Variants in MAGI3 observed in about 807,000 individuals in gnomAD.
MAGI3 encodes membrane-associated guanylate kinase, WW and PDZ domain-containing protein 3.
In MAGI3, 43 loss-of-function variants were observed where a neutral mutation model predicts 121.8. The ratio of observed to expected loss-of-function variants is 0.35; its 90% confidence interval spans 0.28 to 0.46. The LOEUF (loss-of-function observed/expected upper bound fraction) is 0.46. MAGI3 is among the 20% of genes least tolerant of loss of function. MAGI3 has a pLI of 1.00. For synonymous variants in MAGI3, 553 were observed against 639.3 expected (o/e 0.86, Z 2.04); for missense variants, 1,547 against 1,797.3 (o/e 0.86, Z 2.52).
intron 1 of MAGI3, among the ~76,000 whole-genome samples, chr1:113,522,463 C>T (rs772071393): frequency 5.3e-5 from 8 of 152,168 alleles, no homozygotes; most frequent in Non-Finnish European, 7.3e-5. Context: ...TCCTCTCAGA[C>T]GCTGTGCTTT....
At chr1:113,436,811 C>CTTTTTT (rs1026496354) in intron 1 of MAGI3, among the ~76,000 whole-genome samples, 4 of 124,130 alleles carry the variant, frequency 3.2e-5, no homozygotes, top group African/African-American at 6.0e-5. Flanking sequence ...TAAAGACAGT[C>CTTTTTT]TTTTTTTTTT....
chr1:113,509,361 T>C (rs544243161), intron 1 of MAGI3, among the ~76,000 whole-genome samples: 2 of 142,704 alleles, frequency 1.4e-5, no homozygotes, highest in Non-Finnish European at 3.1e-5. Flanking sequence ...TTTTCTTTTT[T>C]TTTTTTTGTT....
At chr1:113,437,193 T>A (rs1263607710) in intron 1 of MAGI3, among the ~76,000 whole-genome samples, 1 of 152,002 alleles carries the variant, frequency 6.6e-6, no homozygotes, top group African/African-American at 2.4e-5. Context: ...TACATACTTT[T>A]ATTTAATATT....
intron 12 of MAGI3, among the ~76,000 whole-genome samples, chr1:113,648,187 G>A (rs567040844): frequency 6.6e-6 from 1 of 152,020 alleles, no homozygotes; most frequent in Admixed American, 6.6e-5. Context: ...TCCCAAAGTG[G>A]ACTCTTTTAA....
At chr1:113,601,609 G>T (rs1217218) in intron 6 of MAGI3, among the ~76,000 whole-genome samples, 106,392 of 145,318 alleles carry the variant, frequency 0.73, 39,591 homozygotes, top group African/African-American at 0.77. Flanking sequence ...TAGGACCACT[G>T]TTACACCGTT....
Position 113,646,607 on chromosome 1 carries a change from T to G in MAGI3, c.2120T>G (p.Val707Gly). The G allele has an allele frequency of 6.2e-7, 1 of 1,607,430 alleles. No individual in the cohort carries two copies. The highest frequency in any genetic ancestry group is 8.5e-7 in the Non-Finnish European group (1 of 1,176,762). Residue 707 changes from valine to glycine, a missense_variant, in exon 12 of 21, where the codon GTC becomes GGC. Transcript: ENST00000307546. ...TCCCCAAAATTGGATCCTTCTGAGG[T>G]CTACCTGAAATCTAAGACTTTATAT... ...SGSPKLDPSE[V>G]YLKSKTLYED...
chr1:113,674,102 A>G (rs1414064843), intron 19 of MAGI3, among the ~76,000 whole-genome samples: 2 of 152,210 alleles, frequency 1.3e-5, no homozygotes, highest in Non-Finnish European at 2.9e-5. Flanking sequence ...TATATAGAAG[A>G]CATTTGCTGC....
At chr1:113,478,382 C>T (rs1205162002) in intron 1 of MAGI3, among the ~76,000 whole-genome samples, 2 of 152,148 alleles carry the variant, frequency 1.3e-5, no homozygotes, top group African/African-American at 4.8e-5. Context: ...TACCTTTGGT[C>T]TTTGATGTTG....
At chr1:113,472,384 A>T (rs1655585069) in intron 1 of MAGI3, among the ~76,000 whole-genome samples, 1 of 151,942 alleles carries the variant, frequency 6.6e-6, no homozygotes, top group East Asian at 1.9e-4. Context: ...TTGTATTTTT[A>T]GTAGAGATGG....
At chr1:113,437,878 C>CCTCT (rs1653689893) in intron 1 of MAGI3, among the ~76,000 whole-genome samples, 1 of 11,010 alleles carries the variant, frequency 9.1e-5, no homozygotes, top group East Asian at 2.7e-3. Flanking sequence ...TCTTCTTCTT[C>CCTCT]TCCTTCTCCT....
intron 2 of MAGI3, among the ~76,000 whole-genome samples, chr1:113,561,662 G>A (rs899805782): frequency 1.3e-5 from 2 of 152,106 alleles, no homozygotes; most frequent in Non-Finnish European, 2.9e-5. Context: ...ATATCATACC[G>A]AATGGGCAAA....
In MAGI3 at chr1:113,590,328, T is replaced by C. The variant is rs138228307; in HGVS notation, c.764-156T>C. Among the ~76,000 whole-genome samples, 289 of 152,200 alleles carry C rather than the reference T, an allele frequency of 1.9e-3. 3 individuals are homozygous for C. Among genetic ancestry groups the C allele is most frequent in the African/African-American group, 6.8e-3 (281 of 41,556 alleles). On this transcript the variant is annotated intron_variant, in intron 4 of 20. Transcript: ENST00000307546. ...TACTAGGGGAAAAGAGTTGAATATG[T>C]TGGTTATTTTAAAATTTATAGCAGA...
chr1:113,477,439 CA>C, intron 1 of MAGI3, among the ~76,000 whole-genome samples: 1 of 152,304 alleles, frequency 6.6e-6, no homozygotes, highest in South Asian at 2.1e-4. Flanking sequence ...CAAAATCTCT[CA>C]GCATTTGCTT....
intron 2 of MAGI3, among the ~76,000 whole-genome samples, chr1:113,577,826 C>T (rs116061136): frequency 8.9e-4 from 135 of 152,254 alleles, no homozygotes; most frequent in African/African-American, 3.2e-3. Flanking sequence ...TAATCACAGA[C>T]CAAAACAGAG....
intron 1 of MAGI3, among the ~76,000 whole-genome samples, chr1:113,505,648 T>C (rs1437557360): frequency 1.3e-5 from 2 of 151,736 alleles, no homozygotes; most frequent in African/African-American, 4.8e-5. Context: ...GGAGAGGAGG[T>C]TTAACTATTT....
rs78056878 is a variant in MAGI3, at chr1:113,458,201, C to G, written c.316+66852C>G. ...AGAAAGACCAGGTAGGACATCGTTG[C>G]TTGTGCTGGTGGCTTGGGTCCAGGT... On this transcript the variant is annotated intron_variant, in intron 1 of 20. Coordinates refer to ENST00000307546, the MANE Select transcript of MAGI3 (RefSeq NM_001142782.2). Among the ~76,000 whole-genome samples the G allele has an allele frequency of 5.0e-3, 762 of 152,238 alleles. 7 individuals carry two copies. The highest frequency in any genetic ancestry group is 0.017 in the African/African-American group (714 of 41,544).
intron 3 of MAGI3, among the ~76,000 whole-genome samples, chr1:113,582,341 T>C (rs1346729259): frequency 6.6e-6 from 1 of 152,088 alleles, no homozygotes. Context: ...TGGGAATATT[T>C]GTTATAGTGT....
chr1:113,515,880 A>T (rs933003590), intron 1 of MAGI3, among the ~76,000 whole-genome samples: 1 of 152,090 alleles, frequency 6.6e-6, no homozygotes, highest in Non-Finnish European at 1.5e-5. Context: ...AGGCATGTGC[A>T]GGTTGTTGAA....
chr1:113,664,333 A>G (rs1196427938), intron 16 of MAGI3, among the ~76,000 whole-genome samples: 1 of 152,170 alleles, frequency 6.6e-6, no homozygotes, highest in Non-Finnish European at 1.5e-5. Flanking sequence ...ATGAGTATTT[A>G]CCACAAATAA....
Sources: gnomAD v4.1 joint callset for allele counts (sites outside exome capture counted in the v4.1 genomes callset) on GRCh38, gnomAD v4.1.1 for gene constraint, MANE v1.5 for transcripts, NCBI Gene and HGNC (gene_info 2026-07-23, HGNC 2026-07-21) for gene names.